Variants in TANC2 observed in about 807,000 individuals in gnomAD.
TANC2 encodes tetratricopeptide repeat, ankyrin repeat and coiled-coil containing 2, also known as protein TANC2.
In TANC2, 26 loss-of-function variants were observed where a neutral mutation model predicts 210.5. That is an observed-to-expected ratio of 0.12 (90% CI 0.09 to 0.17). TANC2 has a LOEUF of 0.17. Ranked by LOEUF, TANC2 falls within the 10% of genes least tolerant of loss-of-function variation. TANC2 has a pLI of 1.00. For synonymous variants in TANC2, 931 were observed against 967.1 expected, an observed-to-expected ratio of 0.96 and a Z score of 0.69; for missense variants, 2,129 against 2,608.9, an observed-to-expected ratio of 0.82 and a Z score of 4.01.
chr17:63,163,606 A>G (rs2145501451), intron 5 of TANC2, among the ~76,000 whole-genome samples: 1 of 152,342 alleles, frequency 6.6e-6, no homozygotes, highest in South Asian at 2.1e-4. Flanking sequence ...TTTTATTCTG[A>G]TATTTTCCTT....
intron 2 of TANC2, among the ~76,000 whole-genome samples, chr17:63,061,002 C>T (rs960026204): frequency 5.9e-5 from 9 of 152,068 alleles, no homozygotes; most frequent in Middle Eastern, 6.8e-3. Flanking sequence ...TCTTTTTGAG[C>T]CCAGGAGTTT....
At chr17:63,379,572 G>A (rs1287793056) in intron 14 of TANC2, 146 bp from the exon 15 acceptor site, 2 of 491,584 alleles carry the variant, frequency 4.1e-6, no homozygotes, top group Non-Finnish European at 7.1e-6. Context: ...AGGAGGCTGA[G>A]GGAGGAGAAT....
intron 1 of TANC2, among the ~76,000 whole-genome samples, chr17:62,974,296 CT>C (rs566977637): frequency 2.6e-5 from 4 of 151,408 alleles, no homozygotes; most frequent in African/African-American, 7.3e-5. Context: ...GATTCTATTC[CT>C]TTTTTTTTCT....
At chr17:63,140,659 A>G (rs1032040743) in intron 4 of TANC2, among the ~76,000 whole-genome samples, 4 of 152,210 alleles carry the variant, frequency 2.6e-5, no homozygotes, top group South Asian at 4.1e-4. Context: ...CCACTGCGCT[A>G]TGTAATTCAG....
intron 12 of TANC2, 52 bp from the exon 13 acceptor site, chr17:63,351,198 A>G: frequency 6.8e-7 from 1 of 1,461,474 alleles, no homozygotes; most frequent in Non-Finnish European, 9.3e-7. Flanking sequence ...TCCAGTAAGA[A>G]CTCATTTATC....
At chr17:63,063,774 C>G (rs1459037605) in intron 2 of TANC2, among the ~76,000 whole-genome samples, 1 of 151,762 alleles carries the variant, frequency 6.6e-6, no homozygotes, top group African/African-American at 2.4e-5. Context: ...TTGTTTTACT[C>G]TCTGTTATTG....
At chr17:63,114,888 A>G (rs978445035) in intron 4 of TANC2, among the ~76,000 whole-genome samples, 3 of 152,228 alleles carry the variant, frequency 2.0e-5, no homozygotes, top group Non-Finnish European at 4.4e-5. Context: ...TTTTTCAAGC[A>G]AAACAAAACC....
intron 2 of TANC2, among the ~76,000 whole-genome samples, chr17:63,063,531 CGTGTGTG>C (rs2036072571): frequency 9.2e-6 from 1 of 108,148 alleles, no homozygotes; most frequent in African/African-American, 4.3e-5. Context: ...GGGACAAAGA[CGTGTGTG>C]TGTGTGTGTG....
rs372158189 is a variant in TANC2 at position 63,314,533 on chromosome 17, C to T, written c.1305C>T (p.Ser435=). 1.6e-5 allele frequency: 26 copies of T among 1,613,912 alleles called. No individual in the cohort carries two copies. The East Asian group carries it at 2.5e-4, about 15-fold the overall frequency. The change falls in exon 10 of 28, where the codon AGC becomes AGT. Residue 435 remains serine, a synonymous_variant. Transcript: ENST00000689528. ...CTCAACTTCAAAGTTCAAATGCCAG[C>T]GTGAACCAAGGAGTAGTGATTGTGG...
chr17:63,033,221 A>G (rs953987181), intron 2 of TANC2, among the ~76,000 whole-genome samples: 4 of 152,114 alleles, frequency 2.6e-5, no homozygotes, highest in Admixed American at 2.0e-4. Context: ...GGCATGATTG[A>G]TGAAATCATT....
rs144425420 is a variant in TANC2, at chr17:63,327,432, G to A, written c.1575+8342G>A. Among the ~76,000 whole-genome samples, 1,051 of 152,306 alleles carry A rather than the reference G, an allele frequency of 6.9e-3. 7 individuals are homozygous for A. Among genetic ancestry groups the A allele is most frequent in the Middle Eastern group, 0.014 (4 of 294 alleles). On this transcript the variant is annotated intron_variant, in intron 11 of 27. Coordinates refer to ENST00000689528, the Ensembl canonical transcript of TANC2. ...GGATAGCCACACGCCCATGTTCATT[G>A]CAGCATCATTTGCAGTAGCCAAGAT...
At chr17:63,349,298 A>T (rs893415904) in intron 12 of TANC2, among the ~76,000 whole-genome samples, 7 of 152,230 alleles carry the variant, frequency 4.6e-5, no homozygotes, top group African/African-American at 1.7e-4. Flanking sequence ...TTCATTCATT[A>T]AAATGTCTGG....
Position 63,377,665 on chromosome 17 carries a change from G to A in TANC2, c.2583-2053G>A, listed in dbSNP as rs541648311. Among the ~76,000 whole-genome samples, 5 of 152,248 alleles carry A rather than the reference G, an allele frequency of 3.3e-5. No individual in the cohort carries two copies. In the East Asian group the frequency reaches 9.7e-4, roughly 29 times the overall value. On this transcript the variant is annotated intron_variant, in intron 14 of 27. Transcript: ENST00000689528. ...TGTCTTCTTCTGAGCCCTCCAAACT[G>A]TTCCAACCTCTGCCTGTTACCCAGT... is the stretch of plus-strand genomic sequence containing the variant.
intron 14 of TANC2, among the ~76,000 whole-genome samples, chr17:63,375,203 T>G (rs2047387799): frequency 6.6e-6 from 1 of 152,104 alleles, no homozygotes; most frequent in Non-Finnish European, 1.5e-5. Context: ...AAACTTTGAG[T>G]CCAGTGTACT....
At chr17:63,124,723 A>G (rs572386726) in intron 4 of TANC2, among the ~76,000 whole-genome samples, 2 of 152,344 alleles carry the variant, frequency 1.3e-5, no homozygotes, top group South Asian at 4.1e-4. Flanking sequence ...GCGGCACAGC[A>G]GGATGTGAGC....
At chr17:63,013,917 T>TG (rs1204576777) in intron 2 of TANC2, among the ~76,000 whole-genome samples, 1 of 152,142 alleles carries the variant, frequency 6.6e-6, no homozygotes. Flanking sequence ...CTCATTTTTT[T>TG]TTCTGGAACT....
chr17:63,053,491 G>C (rs2035656978), intron 2 of TANC2, among the ~76,000 whole-genome samples: 1 of 152,044 alleles, frequency 6.6e-6, no homozygotes, highest in Non-Finnish European at 1.5e-5. Context: ...TTCTCCCCAG[G>C]CTTTCAGCCT....
intron 1 of TANC2, among the ~76,000 whole-genome samples, chr17:62,979,642 G>T (rs1278641230): frequency 6.6e-6 from 1 of 152,180 alleles, no homozygotes; most frequent in African/African-American, 2.4e-5. Context: ...GGGCACGGTG[G>T]CTCACGCCTT....
At position 63,121,276 on chromosome 17, in the gene TANC2, C is replaced by G. The variant is rs1415590839; in HGVS notation, c.322+21919C>G. On this transcript the variant is annotated intron_variant, in intron 4 of 27. Coordinates refer to ENST00000689528, the Ensembl canonical transcript of TANC2. ...CCACTGTAAACTTTGCAGCTTAGGA[C>G]AGGTTAACTTCTGTGAGGTTTCTCT... Among the ~76,000 whole-genome samples the G allele has an allele frequency of 3.3e-5, 5 of 152,204 alleles. No individual in the cohort carries two copies. In the East Asian group the frequency reaches 9.6e-4, roughly 29 times the overall value.
Sources: gnomAD v4.1 joint callset for allele counts (sites outside exome capture counted in the v4.1 genomes callset) on GRCh38, gnomAD v4.1.1 for gene constraint, MANE v1.5 for transcripts, NCBI Gene and HGNC (gene_info 2026-07-23, HGNC 2026-07-21) for gene names.